Variants in SPATA24 observed in about 807,000 individuals in gnomAD.
SPATA24 encodes the protein spermatogenesis associated 24.
Under a neutral mutation model 28.9 loss-of-function variants are expected in SPATA24, and 21 were observed. The ratio of observed to expected loss-of-function variants is 0.73; its 90% CI spans 0.52 to 1.05. SPATA24 has a LOEUF of 1.05. Among genes scored for constraint, SPATA24 ranks in the 50% least tolerant of loss-of-function variants. The pLI, the probability that SPATA24 is intolerant of heterozygous loss-of-function variation, is 0.00. For synonymous variants in SPATA24, 76 were observed against 89.9 expected, an observed-to-expected ratio of 0.85 and a Z score of 0.88; for missense variants, 215 against 242.9, an observed-to-expected ratio of 0.88 and a Z score of 0.76.
intron 4 of SPATA24, among the ~76,000 whole-genome samples, chr5:139,400,466 C>G (rs376470539): frequency 6.6e-6 from 1 of 152,026 alleles, no homozygotes; most frequent in East Asian, 1.9e-4. Context: ...GCCACTATGC[C>G]CGGGTAATTT....
At chr5:139,394,687 T>C, downstream of SPATA24, 1 of 1,533,932 alleles carries the variant, frequency 6.5e-7, no homozygotes, top group Non-Finnish European at 8.7e-7. Flanking sequence ...GAACTGTTGT[T>C]GCGCCTCGCG....
downstream of SPATA24, chr5:139,393,602 T>C (rs1245798816): frequency 6.4e-7 from 1 of 1,550,734 alleles, no homozygotes; most frequent in Non-Finnish European, 8.7e-7. Context: ...GACGGGCTGC[T>C]ACGTGGCTCC....
Position 139,402,556 on chromosome 5 carries a change from A to C in SPATA24, c.183+72T>G, listed in dbSNP as rs942123072. 8.0e-6 allele frequency: 11 copies of C among 1,372,632 alleles called. 1 individual carries two copies. In the South Asian group the frequency reaches 1.4e-4, roughly 17 times the overall value. 85.0% of individuals were successfully genotyped at this position (1,372,632 alleles called of 1,614,324 possible). On this transcript the variant is annotated intron_variant, in intron 2 of 5. Coordinates refer to ENST00000450845, the MANE Select transcript of SPATA24 (RefSeq NM_194296.2). ...CTGCACCCATCAGAGGCTAATACTTAATGAGCCTGCCTAACCACAGGGATC... is the reference window on the plus strand; with the variant it reads ...CTGCACCCATCAGAGGCTAATACTTCATGAGCCTGCCTAACCACAGGGATC...
intron 4 of SPATA24, among the ~76,000 whole-genome samples, chr5:139,397,539 T>C (rs956760207): frequency 6.7e-6 from 1 of 149,266 alleles, no homozygotes; most frequent in African/African-American, 2.5e-5. Context: ...TCCTGTTCCC[T>C]CTTCCTGCTT....
rs1181415746 is a variant in SPATA24, at chr5:139,396,833, C to T, written c.585G>A (p.Gln195=). The change falls in exon 6 of 6, where the codon CAG becomes CAA. Residue 195 remains glutamine, a synonymous_variant. Transcript: ENST00000450845. The part of the protein sequence containing the change: ...QKHKKASGTR[Q]ARSHQHPREK ...CCCTGGGATGCTGGTGGCTGCGGGC[C>T]TGACGTGTCCCTGAGGCTTTCTTAT... is the stretch of plus-strand genomic sequence containing the variant. 6.4e-7 allele frequency: 1 copy of T among 1,551,732 alleles called. No homozygotes were observed. Among genetic ancestry groups the T allele is most frequent in the Admixed American group, 2.0e-5 (1 of 51,002 alleles).
downstream of SPATA24, chr5:139,394,557 G>A: frequency 1.3e-6 from 2 of 1,506,410 alleles, no homozygotes; most frequent in Non-Finnish European, 1.8e-6. Flanking sequence ...TTGGCCCACG[G>A]GGCCGCAGCT....
chr5:139,395,527 C>G (rs1005996241), downstream of SPATA24: 1 of 166,024 alleles, frequency 6.0e-6, no homozygotes, highest in Non-Finnish European at 1.3e-5. Flanking sequence ...GTAGGGCCAG[C>G]AATTTCATCT....
chr5:139,394,276 G>A, downstream of SPATA24: 2 of 1,540,984 alleles, frequency 1.3e-6, no homozygotes, highest in Admixed American at 4.0e-5. Flanking sequence ...CCCGAAGGTG[G>A]CGCTGCTCGG....
Position 139,396,936 on chromosome 5 carries a change from C to T in SPATA24, c.489-7G>A, listed in dbSNP as rs747884609. 14 of 1,551,634 alleles carry T rather than the reference C, an allele frequency of 9.0e-6. No individual in the cohort carries two copies. Among genetic ancestry groups the T allele is most frequent in the South Asian group, 7.1e-5 (6 of 84,058 alleles). ...GAAGTCAGACATGTGATTCCTGCAACGGAGCCGGCTGGTGGTGGGCTGTGG... is the reference window on the plus strand; with the variant it reads ...GAAGTCAGACATGTGATTCCTGCAATGGAGCCGGCTGGTGGTGGGCTGTGG... On this transcript the variant is annotated splice_region_variant and splice_polypyrimidine_tract_variant and intron_variant, in intron 5 of 5. Coordinates refer to ENST00000450845, the MANE Select transcript of SPATA24 (RefSeq NM_194296.2).
intron 5 of SPATA24, 48 bp downstream of exon 5, chr5:139,396,993 G>A: frequency 1.9e-6 from 3 of 1,551,598 alleles, no homozygotes; most frequent in Non-Finnish European, 2.6e-6. Context: ...CCAGAGGTCT[G>A]GCTCCCCAGT....
At chr5:139,393,057 G>A, downstream of SPATA24, 1 of 1,532,264 alleles carries the variant, frequency 6.5e-7, no homozygotes, top group African/African-American at 1.4e-5. Context: ...AGTGAGCCGG[G>A]GCGGGGGGCC....
intron 4 of SPATA24, among the ~76,000 whole-genome samples, chr5:139,399,296 G>A (rs1020528807): frequency 9.3e-5 from 14 of 150,678 alleles, no homozygotes; most frequent in South Asian, 2.1e-4. Flanking sequence ...CAGCCTGGGC[G>A]GCAGAGCAAG....
At chr5:139,394,689 C>A, downstream of SPATA24, 7 of 1,533,850 alleles carry the variant, frequency 4.6e-6, no homozygotes, top group Non-Finnish European at 6.1e-6. Flanking sequence ...ACTGTTGTTG[C>A]GCCTCGCGAT....
At chr5:139,394,911 G>A, downstream of SPATA24, 4 of 1,518,226 alleles carry the variant, frequency 2.6e-6, no homozygotes, top group Non-Finnish European at 3.5e-6. Context: ...GAGCCACCCA[G>A]GGCCAATTCG....
rs1758880075 is a variant in SPATA24 at position 139,404,028 on chromosome 5, C to G, written c.33G>C (p.Gly11=). ...CTAAAGCGAGACACACAGATCCTGA[C>G]CCCGCCTTCGACCACCCGAGGGGCG... MATPLGWSKA[G]SGSVCLALDQ... Residue 11 remains glycine, a synonymous_variant, in exon 1 of 6, where the codon GGG becomes GGC. Coordinates refer to ENST00000450845, the MANE Select transcript of SPATA24 (RefSeq NM_194296.2). 6.4e-7 allele frequency: 1 copy of G among 1,551,786 alleles called. No homozygotes were observed. Among genetic ancestry groups the G allele is most frequent in the Non-Finnish European group, 8.7e-7 (1 of 1,147,062 alleles).
downstream of SPATA24, chr5:139,394,003 C>A (rs1172467483): frequency 2.6e-6 from 4 of 1,550,656 alleles, no homozygotes; most frequent in East Asian, 7.3e-5. Flanking sequence ...CGGCGCCTCT[C>A]GCGGGAACCG....
At chr5:139,393,001 G>C (rs928225780), downstream of SPATA24, 1 of 1,519,392 alleles carries the variant, frequency 6.6e-7, no homozygotes, top group African/African-American at 1.4e-5. Flanking sequence ...AGGCTCGTAG[G>C]GGTGCGGCAC....
chr5:139,402,914 A>C (rs2152079799), intron 1 of SPATA24, among the ~76,000 whole-genome samples: 1 of 152,356 alleles, frequency 6.6e-6, no homozygotes, highest in South Asian at 2.1e-4. Context: ...GTCCACAGTT[A>C]GCACTTCTAA....
downstream of SPATA24, chr5:139,392,782 C>T (rs773491727): frequency 6.2e-6 from 9 of 1,450,374 alleles, no homozygotes; most frequent in South Asian, 1.4e-5. This position sits in a 1 kb window ranked among gnomAD's most constrained non-coding sequence, Gnocchi z 5.8. Flanking sequence ...GGGGACCAGG[C>T]GCTGGGCCTC....
Sources: allele counts gnomAD v4.1 joint callset (sites outside exome capture counted in the v4.1 genomes callset), GRCh38; gene constraint gnomAD v4.1.1; non-coding constraint Gnocchi (gnomAD v3.1); transcripts MANE v1.5; gene names NCBI Gene and HGNC (gene_info 2026-07-23, HGNC 2026-07-21).